EFCAB11: variants seen among roughly 807,000 people sequenced by gnomAD.
EFCAB11 encodes EF-hand calcium-binding domain-containing protein 11.
A neutral mutation model predicts 23.0 loss-of-function variants in EFCAB11; 14 were observed. The ratio of observed to expected loss-of-function variants is 0.61; its 90% CI spans 0.40 to 0.95. The LOEUF (loss-of-function observed/expected upper bound fraction) is 0.95, where lower values mean the gene tolerates loss of function less well. Ranked by LOEUF, EFCAB11 falls within the 40% of genes least tolerant of loss-of-function variation. EFCAB11 has a pLI of 0.00. For missense variants in EFCAB11, 198 were observed against 195.8 expected (o/e 1.01, Z -0.07); for synonymous variants, 65 against 66.6 (o/e 0.98, Z 0.11).
chr14:89,825,044 C>A (rs756963841), intron 5 of EFCAB11, among the ~76,000 whole-genome samples: 1 of 142,036 alleles, frequency 7.0e-6, no homozygotes, highest in East Asian at 2.1e-4. Flanking sequence ...CTGACACCTA[C>A]AGGATATTCA....
intron 5 of EFCAB11, among the ~76,000 whole-genome samples, chr14:89,854,491 T>C (rs1410754175): frequency 1.3e-5 from 2 of 152,194 alleles, no homozygotes; most frequent in East Asian, 1.9e-4. Context: ...TCTGCAGCAG[T>C]TGGCTCTCTT....
chr14:89,892,133 A>C (rs1888990561), intron 5 of EFCAB11: 1 of 1,555,282 alleles, frequency 6.4e-7, no homozygotes, highest in South Asian at 1.2e-5. Flanking sequence ...GGTCATGGCC[A>C]CTCAGGGCCC....
intron 3 of EFCAB11, among the ~76,000 whole-genome samples, chr14:89,948,872 T>C (rs1311387274): frequency 3.4e-5 from 5 of 148,322 alleles, no homozygotes; most frequent in Admixed American, 2.7e-4. Flanking sequence ...TATGGATGGT[T>C]AATGGATACA....
intron 5 of EFCAB11, among the ~76,000 whole-genome samples, chr14:89,813,677 G>A (rs971983547): frequency 4.4e-5 from 5 of 114,110 alleles, no homozygotes; most frequent in Non-Finnish European, 6.7e-5. Flanking sequence ...GCTATAAAAT[G>A]CCTATGTGCT....
intron 5 of EFCAB11, among the ~76,000 whole-genome samples, chr14:89,871,332 A>G (rs1051691398): frequency 3.3e-5 from 5 of 152,172 alleles, no homozygotes; most frequent in Admixed American, 2.0e-4. Context: ...TTCTCACTCA[A>G]TATAGGCATC....
At chr14:89,834,533 A>G (rs1887007512) in intron 5 of EFCAB11, among the ~76,000 whole-genome samples, 1 of 152,198 alleles carries the variant, frequency 6.6e-6, no homozygotes, top group Non-Finnish European at 1.5e-5. Context: ...ATTAGAAGGG[A>G]AGCCGCCTCC....
intron 5 of EFCAB11, among the ~76,000 whole-genome samples, chr14:89,915,076 G>C (rs908409896): frequency 2.0e-5 from 3 of 151,910 alleles, no homozygotes; most frequent in African/African-American, 7.3e-5. Context: ...TATTTTTAAA[G>C]ACCTAAATTC....
chr14:89,892,621 G>T (rs1193518004), intron 5 of EFCAB11, among the ~76,000 whole-genome samples: 1 of 152,164 alleles, frequency 6.6e-6, no homozygotes, highest in Non-Finnish European at 1.5e-5. Context: ...AGGTCTGATG[G>T]CCAGGCATGG....
At chr14:89,933,767 C>T (rs1890481012) in intron 3 of EFCAB11, among the ~76,000 whole-genome samples, 1 of 152,094 alleles carries the variant, frequency 6.6e-6, no homozygotes, top group African/African-American at 2.4e-5. Context: ...CAAATGCACA[C>T]CTCATTACAA....
chr14:89,933,680 A>C (rs1333342256), intron 3 of EFCAB11, among the ~76,000 whole-genome samples: 2 of 152,224 alleles, frequency 1.3e-5, no homozygotes, highest in Non-Finnish European at 2.9e-5. Context: ...TAGAGGGGAA[A>C]AGAGAATACA....
chr14:89,864,462 T>A (rs1360206085), intron 5 of EFCAB11, among the ~76,000 whole-genome samples: 1 of 152,104 alleles, frequency 6.6e-6, no homozygotes. Context: ...TCTCACTCTG[T>A]TACACAGGCT....
chr14:89,943,060 A>G (rs921350542), intron 3 of EFCAB11, among the ~76,000 whole-genome samples: 2 of 152,162 alleles, frequency 1.3e-5, no homozygotes, highest in African/African-American at 4.8e-5. Flanking sequence ...TTGCCCTGCA[A>G]GCTGGGCAGC....
intron 5 of EFCAB11, among the ~76,000 whole-genome samples, chr14:89,927,779 T>A (rs749386371): frequency 6.6e-6 from 1 of 152,076 alleles, no homozygotes; most frequent in Non-Finnish European, 1.5e-5. Context: ...TGAAGTGCAG[T>A]GGCACGATCT....
chr14:89,950,040 CA>C, intron 3 of EFCAB11, 56 bp downstream of exon 3: 1 of 1,467,484 alleles, frequency 6.8e-7, no homozygotes, highest in Non-Finnish European at 9.2e-7. Flanking sequence ...GGGACACAGC[CA>C]AGCCATCTCA....
At position 89,797,328 on chromosome 14, in the gene EFCAB11, GA is replaced by G; in HGVS notation, c.411-5del. ...ATCTGAATCTCGATCTACTTCCCTG[GA>G]AAATGAAACAAAAAGTCATTTACAC... is the stretch of plus-strand genomic sequence containing the variant. On this transcript the variant is annotated splice_polypyrimidine_tract_variant and splice_region_variant and intron_variant, in intron 5 of 5. Coordinates refer to ENST00000316738, the MANE Select transcript of EFCAB11 (RefSeq NM_145231.4). 6.2e-7 allele frequency: 1 copy of G among 1,611,960 alleles called. No homozygotes were observed.
At chr14:89,803,015 C>T (rs758658483) in intron 5 of EFCAB11, among the ~76,000 whole-genome samples, 2 of 152,074 alleles carry the variant, frequency 1.3e-5, no homozygotes, top group Non-Finnish European at 2.9e-5. Flanking sequence ...CATTGCAGGA[C>T]GTTTGGCAGC....
At chr14:89,920,136 C>T (rs543945407) in intron 5 of EFCAB11, among the ~76,000 whole-genome samples, 3 of 152,200 alleles carry the variant, frequency 2.0e-5, no homozygotes, top group East Asian at 1.9e-4. Flanking sequence ...AGGCAAGATG[C>T]GTAACACATG....
At chr14:89,835,721 G>A (rs1302731195) in intron 5 of EFCAB11, among the ~76,000 whole-genome samples, 5 of 151,240 alleles carry the variant, frequency 3.3e-5, no homozygotes, top group Non-Finnish European at 7.4e-5. Flanking sequence ...TCCGCCTCCC[G>A]GGTTCGAACA....
At chr14:89,947,626 T>C (rs538119236) in intron 3 of EFCAB11, among the ~76,000 whole-genome samples, 2 of 152,362 alleles carry the variant, frequency 1.3e-5, no homozygotes, top group East Asian at 3.9e-4. Context: ...GAGCATTTGA[T>C]AGTGCTGACC....
Sources: allele counts gnomAD v4.1 joint callset (sites outside exome capture counted in the v4.1 genomes callset), GRCh38; gene constraint gnomAD v4.1.1; transcripts MANE v1.5; gene names NCBI Gene and HGNC (gene_info 2026-07-23, HGNC 2026-07-21).